Variants in ELAC2 observed in about 807,000 individuals in gnomAD.
ELAC2 encodes zinc phosphodiesterase ELAC protein 2.
A neutral mutation model predicts 105.2 loss-of-function variants in ELAC2; 92 were observed. The ratio of observed to expected loss-of-function variants is 0.87; its 90% CI spans 0.74 to 1.04. ELAC2 has a LOEUF of 1.04. ELAC2 is among the 50% of genes least tolerant of loss of function. The pLI, the probability that ELAC2 is intolerant of heterozygous loss-of-function variation, is 0.00. For synonymous variants in ELAC2, 468 were observed against 409.1 expected, an observed-to-expected ratio of 1.14 and a Z score of -1.74; for missense variants, 1,099 against 1,071.7, an observed-to-expected ratio of 1.03 and a Z score of -0.36.
Position 13,003,553 on chromosome 17 carries a change from G to A in ELAC2, c.1005C>T (p.Ala335=). 6.2e-7 allele frequency: 1 copy of A among 1,614,188 alleles called. No individual in the cohort carries two copies. The highest frequency in any genetic ancestry group is 8.5e-7 in the Non-Finnish European group (1 of 1,180,024). Residue 335 remains alanine (A), a synonymous_variant, in exon 12 of 24, where the codon GCC becomes GCT. Transcript: ENST00000338034. Reference sequence around the variant, plus strand: ...CCATGTGAACCACCAAGGCCACGGGGGCATCTGCCTTTCCTTGGTACCTGG... The same window carrying A: ...CCATGTGAACCACCAAGGCCACGGGAGCATCTGCCTTTCCTTGGTACCTGG... The part of the protein sequence containing the change: ...TFQRYQGKAD[A]PVALVVHMAP...
At chr17:13,005,880 G>A (rs775980337) in intron 9 of ELAC2, 41 bp downstream of exon 9, 4 of 1,613,974 alleles carry the variant, frequency 2.5e-6, no homozygotes, top group Non-Finnish European at 3.4e-6. Flanking sequence ...GTGGACAGGT[G>A]TACCCAGTGA....
intron 19 of ELAC2, 67 bp from the exon 20 acceptor site, chr17:12,995,129 G>A (rs570984569): frequency 2.0e-6 from 3 of 1,537,784 alleles, no homozygotes; most frequent in Non-Finnish European, 2.7e-6. Context: ...CAAAGTTTAA[G>A]TCTTTGGCTG....
At chr17:13,005,226 A>G (rs995563952) in intron 10 of ELAC2, 125 bp from the exon 11 acceptor site, 13 of 760,292 alleles carry the variant, frequency 1.7e-5, no homozygotes, top group Non-Finnish European at 3.1e-5. Context: ...AAAGCACAAA[A>G]CCAACTTTAC....
intron 4 of ELAC2, 68 bp downstream of exon 4, chr17:13,015,700 G>C: frequency 1.4e-6 from 2 of 1,423,044 alleles, no homozygotes; most frequent in Non-Finnish European, 9.9e-7. Context: ...TTGCAAAAAG[G>C]AAAATTCTTG....
At chr17:13,005,698 C>T (rs2041061954) in intron 10 of ELAC2, 55 bp downstream of exon 10, 1 of 1,581,858 alleles carries the variant, frequency 6.3e-7, no homozygotes, top group East Asian at 2.2e-5. Context: ...CAGACTCTGC[C>T]CAGCATTTCA....
At chr17:13,011,230 T>A (rs1272187274) in intron 7 of ELAC2, among the ~76,000 whole-genome samples, 1 of 152,354 alleles carries the variant, frequency 6.6e-6, no homozygotes, top group East Asian at 1.9e-4. Context: ...TCTTGGACTT[T>A]TAACTCCGTT....
Position 13,005,745 on chromosome 17 carries a change from C to T in ELAC2, c.870+8G>A. 1.9e-6 allele frequency: 3 copies of T among 1,614,104 alleles called. No homozygotes were observed. The highest frequency in any genetic ancestry group is 2.5e-6 in the Non-Finnish European group (3 of 1,179,986). On this transcript the variant is annotated splice_region_variant and intron_variant, in intron 10 of 23. Transcript: ENST00000338034. ...TAACTGCTGAATCAAGAAAACCAGG[C>T]ATCTCACCTCTCTTCCTTCATGAGT...
At chr17:13,000,462 C>T (rs1461422612) in intron 14 of ELAC2, 188 bp from the exon 15 acceptor site, 1 of 652,224 alleles carries the variant, frequency 1.5e-6, no homozygotes, top group Non-Finnish European at 2.8e-6. Flanking sequence ...CTGCATCGCT[C>T]TGCCTCAGGG....
In ELAC2 at chr17:13,011,300, T is replaced by C. The variant is rs577587244; in HGVS notation, c.679+363A>G. On this transcript the variant is annotated intron_variant, in intron 7 of 23. Coordinates refer to ENST00000338034, the MANE Select transcript of ELAC2 (RefSeq NM_018127.7). ...GCCTCTCACTGATTTGACTGTCTCATTGGCTTAGCAGTTATAGTTTCCACA... is the reference window on the plus strand; with the variant it reads ...GCCTCTCACTGATTTGACTGTCTCACTGGCTTAGCAGTTATAGTTTCCACA... Among the ~76,000 whole-genome samples, 5 of 152,358 alleles carry C rather than the reference T, an allele frequency of 3.3e-5. No homozygotes were observed. The South Asian group carries it at 6.2e-4, about 19-fold the overall frequency.
At position 13,017,860 on chromosome 17, in the gene ELAC2, C is replaced by T; in HGVS notation, c.88G>A (p.Glu30Lys). Residue 30 changes from glutamate to lysine, a missense_variant, in exon 1 of 24, where the codon GAG (glutamate) becomes AAG (lysine). Transcript: ENST00000338034. Reference sequence around the variant, plus strand: ...CGCAGCGGGTCCTTGCGCGGCCGCTCGCGGCGGGCGGGTGCCTGCGATATG... The same window carrying T: ...CGCAGCGGGTCCTTGCGCGGCCGCTTGCGGCGGGCGGGTGCCTGCGATATG... Reference protein sequence around the residue: ...RTISQAPARRERPRKDPLRHL... With the variant: ...RTISQAPARRKRPRKDPLRHL... 6.4e-7 allele frequency: 1 copy of T among 1,559,894 alleles called. No individual in the cohort carries two copies. Among genetic ancestry groups the T allele is most frequent in the Non-Finnish European group, 8.7e-7 (1 of 1,154,756 alleles).
In ELAC2 at chr17:12,993,881, G is replaced by T. The variant is rs200375591; in HGVS notation, c.2109-50C>A. 245 of 1,612,942 alleles carry T rather than the reference G, an allele frequency of 1.5e-4. 1 individual carries two copies. In the Middle Eastern group the frequency reaches 2.0e-3, roughly 13 times the overall value. On this transcript the variant is annotated intron_variant, in intron 22 of 23. Coordinates refer to ENST00000338034, the MANE Select transcript of ELAC2 (RefSeq NM_018127.7). ...TGAAGCTGAACTCAACTGCAAGACT[G>T]CAAAGCAGACAGTGGCACAGACCCT...
chr17:13,006,810 G>T (rs899822546), intron 8 of ELAC2, among the ~76,000 whole-genome samples: 3 of 151,964 alleles, frequency 2.0e-5, no homozygotes, highest in Admixed American at 6.6e-5. Flanking sequence ...CTTTTATCTT[G>T]GAGATAAATT....
At chr17:13,017,500 G>C (rs1340370611) in intron 1 of ELAC2, 1 of 1,131,860 alleles carries the variant, frequency 8.8e-7, no homozygotes, top group South Asian at 1.5e-5. Flanking sequence ...CTCAGACCCA[G>C]GCCTGAAGTT....
chr17:12,999,152 G>A (rs1364950869), intron 15 of ELAC2, among the ~76,000 whole-genome samples: 1 of 152,176 alleles, frequency 6.6e-6, no homozygotes, highest in Non-Finnish European at 1.5e-5. Context: ...AGGCTAAGAA[G>A]AACAAATAAA....
intron 8 of ELAC2, 99 bp downstream of exon 8, chr17:13,010,514 T>G: frequency 9.1e-7 from 1 of 1,094,328 alleles, no homozygotes. Context: ...TTGTCTCAGG[T>G]AACAGGAGTG....
rs945977745 is a variant in ELAC2, at chr17:13,018,002, C to A, written c.-55G>T. 5 of 1,533,410 alleles carry A rather than the reference C, an allele frequency of 3.3e-6. No homozygotes were observed. The highest frequency in any genetic ancestry group is 2.7e-5 in the African/African-American group (2 of 72,936). The allele number at this position is 1,533,410 out of a possible 1,614,324, so 95.0% of individuals were successfully genotyped here. On this transcript the variant is annotated 5_prime_UTR_variant, in exon 1 of 24. Transcript: ENST00000338034. ...CGCCGGTCACCTACGCCCGCGTTTCCCGTGCACCACCTAGCCGCTCCGCAT... is the reference window on the plus strand; with the variant it reads ...CGCCGGTCACCTACGCCCGCGTTTCACGTGCACCACCTAGCCGCTCCGCAT...
At chr17:13,016,658 T>C (rs2041740548) in intron 3 of ELAC2, among the ~76,000 whole-genome samples, 1 of 145,718 alleles carries the variant, frequency 6.9e-6, no homozygotes, top group African/African-American at 2.6e-5. Flanking sequence ...GGCACACGTG[T>C]GGTCCCAGCT....
At position 13,012,825 on chromosome 17, in the gene ELAC2, T is replaced by C. The variant is rs566931087; in HGVS notation, c.559+382A>G. Among the ~76,000 whole-genome samples the C allele has an allele frequency of 5.9e-5, 9 of 152,292 alleles. No homozygotes were observed. In the South Asian group the frequency reaches 1.9e-3, roughly 32 times the overall value. On this transcript the variant is annotated intron_variant, in intron 6 of 23. Transcript: ENST00000338034. Reference sequence around the variant, plus strand: ...TTCTAACCCCCAACAACACTTCTTTTAGGTTGCTGTAATCATTATTTATTT... The same window carrying C: ...TTCTAACCCCCAACAACACTTCTTTCAGGTTGCTGTAATCATTATTTATTT...
chr17:13,014,381 A>G lies in ELAC2; in HGVS notation c.490+58T>C, dbSNP rs1209235695. ...TGTTTTTAATGGATTCTAATTTGAG[A>G]GGTCAGGGCATATATAAGTTAGAAA... On this transcript the variant is annotated intron_variant, in intron 5 of 23. Coordinates refer to ENST00000338034, the MANE Select transcript of ELAC2 (RefSeq NM_018127.7). 8 of 1,260,542 alleles carry G rather than the reference A, an allele frequency of 6.3e-6. No homozygotes were observed. The Admixed American group carries it at 1.4e-4, about 21-fold the overall frequency. The allele number at this position is 1,260,542 out of a possible 1,614,324, so 78.1% of individuals were successfully genotyped here.
Sources: allele counts gnomAD v4.1 joint callset (sites outside exome capture counted in the v4.1 genomes callset), GRCh38; gene constraint gnomAD v4.1.1; transcripts MANE v1.5; gene names NCBI Gene and HGNC (gene_info 2026-07-23, HGNC 2026-07-21).